Variants in SPATA21 observed in about 807,000 individuals in gnomAD.
The protein encoded by SPATA21 is spermatogenesis-associated protein 21.
SPATA21 carries 47 observed loss-of-function variants against 54.8 expected under a neutral mutation model. That is an observed-to-expected ratio of 0.86 (90% confidence interval 0.68 to 1.09). The LOEUF is 1.09. Ranked by LOEUF, SPATA21 falls within the 50% of genes least tolerant of loss-of-function variation. The pLI, the probability that SPATA21 is intolerant of heterozygous loss-of-function variation, is 0.00. For missense variants in SPATA21, 599 were observed against 596.4 expected (o/e 1.00, Z -0.05); for synonymous variants, 245 against 235.3 (o/e 1.04, Z -0.38).
At chr1:16,430,611 G>T (rs1439671518) in intron 3 of SPATA21, among the ~76,000 whole-genome samples, 1 of 152,150 alleles carries the variant, frequency 6.6e-6, no homozygotes, top group Non-Finnish European at 1.5e-5. Flanking sequence ...GCCATGCAAG[G>T]CACCTAGAAG....
chr1:16,420,180 C>A (rs1304245786), intron 5 of SPATA21, among the ~76,000 whole-genome samples: 1 of 152,000 alleles, frequency 6.6e-6, no homozygotes, highest in Non-Finnish European at 1.5e-5. Context: ...GAGAGGGAGC[C>A]ACTGTGTCTT....
chr1:16,431,112 G>C (rs1020312938), intron 3 of SPATA21: 1 of 1,063,908 alleles, frequency 9.4e-7, no homozygotes, highest in African/African-American at 1.6e-5. Flanking sequence ...GCTTAATCCA[G>C]TTTGAATTGG....
At position 16,409,226 on chromosome 1, in the gene SPATA21, C is replaced by A. The variant is rs1362281292; in HGVS notation, c.588-23G>T. On this transcript the variant is annotated intron_variant, in intron 6 of 12. Transcript: ENST00000335496. The surrounding 1 kb of genome is among the most constrained non-coding windows in gnomAD (Gnocchi z 4.1). ...TGCCTGCAGAGGACAGAACCCCGAC[C>A]CAGGGCAACATCCGGCCGCCCACCC... 5 of 1,613,588 alleles carry A rather than the reference C, an allele frequency of 3.1e-6. No homozygotes were observed. The African/African-American group carries it at 5.3e-5, about 17-fold the overall frequency.
At chr1:16,415,928 C>T (rs769622847) in intron 5 of SPATA21, among the ~76,000 whole-genome samples, 3 of 152,120 alleles carry the variant, frequency 2.0e-5, no homozygotes, top group Non-Finnish European at 4.4e-5. Flanking sequence ...TGTGGGTGAA[C>T]GATGGTGCCA....
At chr1:16,425,101 T>C in intron 3 of SPATA21, 1 of 379,158 alleles carries the variant, frequency 2.6e-6, no homozygotes, top group South Asian at 1.9e-5. Context: ...TATTTTTTAG[T>C]AGAGACAGGG....
chr1:16,412,203 C>T (rs779076316), intron 5 of SPATA21, among the ~76,000 whole-genome samples: 33 of 152,150 alleles, frequency 2.2e-4, no homozygotes, highest in Non-Finnish European at 3.7e-4. Context: ...TCCCTCCCTC[C>T]CTAAAAGTCA....
rs772761145 is a variant in SPATA21 at position 16,431,335 on chromosome 1, T to C, written c.34+3A>G. On this transcript the variant is annotated splice_donor_region_variant and intron_variant, in intron 3 of 12. Coordinates refer to ENST00000335496, the MANE Select transcript of SPATA21 (RefSeq NM_198546.1). ...GGCTGCGTCCCTGGAGCCTTGGTTC[T>C]ACCCTCCGTGTACATCTGGGTGTTT... is the stretch of plus-strand genomic sequence containing the variant. 6.8e-6 allele frequency: 11 copies of C among 1,614,044 alleles called. No homozygotes were observed. Among genetic ancestry groups the C allele is most frequent in the Middle Eastern group, 1.6e-4 (1 of 6,084 alleles).
At position 16,425,661 on chromosome 1, in the gene SPATA21, G is replaced by A. The variant is rs1355849183; in HGVS notation, c.35-3690C>T. ...GGAACCCAGGAAGGCAGCAACCCCA[G>A]CTCACTCTGATCCTGGCCTGCTTGC... On this transcript the variant is annotated intron_variant, in intron 3 of 12. Transcript: ENST00000335496. The A allele has an allele frequency of 1.6e-5, 25 of 1,550,212 alleles. No individual in the cohort carries two copies. The Admixed American group carries it at 4.5e-4, about 28-fold the overall frequency.
chr1:16,425,734 G>T, intron 3 of SPATA21: 1 of 1,546,630 alleles, frequency 6.5e-7, no homozygotes, highest in Non-Finnish European at 8.7e-7. Flanking sequence ...GTTTCTTCCT[G>T]GGGAAAATAG....
Position 16,404,965 on chromosome 1 carries a change from A to G in SPATA21, c.811+2T>C, listed in dbSNP as rs1345394086. 1.3e-6 allele frequency: 2 copies of G among 1,567,430 alleles called. No homozygotes were observed. Among genetic ancestry groups the G allele is most frequent in the Non-Finnish European group, 8.6e-7 (1 of 1,162,298 alleles). On this transcript the variant is annotated splice_donor_variant, in intron 8 of 12. Coordinates refer to ENST00000335496, the MANE Select transcript of SPATA21 (RefSeq NM_198546.1). LOFTEE classifies it high-confidence loss of function. ...TGCAGAGTGGAGCCCTCTGCCACTC[A>G]CCATTGACATCAGCACTCATCAGGG...
intron 10 of SPATA21, among the ~76,000 whole-genome samples, chr1:16,402,510 C>T (rs2085485724): frequency 6.6e-6 from 1 of 151,542 alleles, no homozygotes; most frequent in Admixed American, 6.6e-5. Flanking sequence ...ATCCGCCCAC[C>T]GCGGCCTCCC....
At chr1:16,404,157 CA>C in intron 8 of SPATA21, 118 bp from the exon 9 acceptor site, 1 of 819,462 alleles carries the variant, frequency 1.2e-6, no homozygotes, top group Middle Eastern at 3.6e-4. Flanking sequence ...AGTGCATACT[CA>C]ATGCAGAAAA....
chr1:16,402,198 G>C (rs112795451), intron 10 of SPATA21, among the ~76,000 whole-genome samples: 4 of 143,552 alleles, frequency 2.8e-5, no homozygotes, highest in African/African-American at 5.1e-5. Flanking sequence ...GGTGTTAGTA[G>C]ATGAGCTATA....
chr1:16,437,787 C>A (rs192759565), upstream of SPATA21, among the ~76,000 whole-genome samples: 1 of 152,164 alleles, frequency 6.6e-6, no homozygotes, highest in Non-Finnish European at 1.5e-5. Context: ...TGCGGTGGCT[C>A]ACACCTGTAA....
At chr1:16,406,784 G>C (rs530082051) in intron 7 of SPATA21, among the ~76,000 whole-genome samples, 64 of 152,258 alleles carry the variant, frequency 4.2e-4, no homozygotes, top group Admixed American at 5.9e-4. Context: ...GACACACACA[G>C]AGATACCAGG....
chr1:16,424,262 G>A (rs1426059794), intron 3 of SPATA21, among the ~76,000 whole-genome samples: 58 of 22,296 alleles, frequency 2.6e-3, no homozygotes, highest in East Asian at 3.5e-3. Flanking sequence ...GCAGTGAGCC[G>A]AGATTGCGCC....
chr1:16,425,440 TG>T (rs2086294137), intron 3 of SPATA21: 16 of 1,404,490 alleles, frequency 1.1e-5, no homozygotes, highest in African/African-American at 4.3e-5. Flanking sequence ...TGCACCAGAA[TG>T]GGGGGCATGA....
rs1295281377 is a variant in SPATA21 at position 16,430,137 on chromosome 1, AAAAG to A, written c.34+1197_34+1200del. ...CTCAAAAAAAAAAAAAAAAAAAAAA[AAAAG>A]AAGATGCCGGACACGGAGGCTTATG... On this transcript the variant is annotated intron_variant, in intron 3 of 12. Coordinates refer to ENST00000335496, the MANE Select transcript of SPATA21 (RefSeq NM_198546.1). 8.6e-5 allele frequency among the ~76,000 whole-genome samples: 13 copies of A among 150,892 alleles called. No homozygotes were observed. The East Asian group carries it at 2.5e-3, about 30-fold the overall frequency.
At position 16,409,472 on chromosome 1, in the gene SPATA21, T is replaced by G; in HGVS notation, c.587+129A>C. The stretch of plus-strand genomic sequence containing the variant: ...ATGGGAGATGCGGAGAGGAGACACA[T>G]GAGGAGAAATGGAGAGAGGGGGACA... On this transcript the variant is annotated intron_variant, in intron 6 of 12. Transcript: ENST00000335496. This position sits in a 1 kb window ranked among gnomAD's most constrained non-coding sequence, Gnocchi z 4.1. 1 of 999,112 alleles carries G rather than the reference T, an allele frequency of 1.0e-6. No individual in the cohort carries two copies. Among genetic ancestry groups the G allele is most frequent in the Non-Finnish European group, 1.5e-6 (1 of 686,970 alleles). 61.9% of individuals were successfully genotyped at this position (999,112 alleles called of 1,614,324 possible).
Sources: gnomAD v4.1 joint callset for allele counts (sites outside exome capture counted in the v4.1 genomes callset) on GRCh38, gnomAD v4.1.1 for gene constraint, Gnocchi (gnomAD v3.1) non-coding constraint, MANE v1.5 for transcripts, NCBI Gene and HGNC (gene_info 2026-07-23, HGNC 2026-07-21) for gene names.